Variants in TASP1 observed in about 807,000 individuals in gnomAD.
The protein encoded by TASP1 is threonine aspartase 1.
In TASP1, 16 loss-of-function variants were observed where a neutral mutation model predicts 56.6. The observed-to-expected ratio is 0.28, with a 90% CI of 0.19 to 0.43. The LOEUF (loss-of-function observed/expected upper bound fraction) is 0.43, where lower values mean the gene tolerates loss of function less well. TASP1 is among the 20% of genes least tolerant of loss of function. The pLI is 1.00. For synonymous variants in TASP1, 179 were observed against 184.2 expected (o/e 0.97, Z 0.23); for missense variants, 393 against 511.6 (o/e 0.77, Z 2.24).
At chr20:13,172,540 G>A in the TASP1 span, among the ~76,000 whole-genome samples, 1 of 152,000 alleles carries the variant, frequency 6.6e-6, no homozygotes, top group African/African-American at 2.4e-5. Context: ...CTGGCTGCTT[G>A]TATTTGTCTT....
chr20:13,522,641 T>C (rs2044809360), intron 10 of TASP1, among the ~76,000 whole-genome samples: 1 of 152,108 alleles, frequency 6.6e-6, no homozygotes, highest in Non-Finnish European at 1.5e-5. Flanking sequence ...CAAGTGGAGA[T>C]TTTAACAAGC....
At chr20:13,294,867 C>T in the TASP1 span, among the ~76,000 whole-genome samples, 1 of 152,156 alleles carries the variant, frequency 6.6e-6, no homozygotes, top group African/African-American at 2.4e-5. Context: ...AAAACTGAAG[C>T]ACAGCAAGGT....
intron 6 of TASP1, among the ~76,000 whole-genome samples, chr20:13,574,139 A>G (rs2046816780): frequency 6.6e-6 from 1 of 152,092 alleles, no homozygotes; most frequent in Non-Finnish European, 1.5e-5. Context: ...AAAAGAAACA[A>G]AGTCCCCAAG....
intron 10 of TASP1, among the ~76,000 whole-genome samples, chr20:13,512,018 G>C: frequency 6.6e-6 from 1 of 151,990 alleles, no homozygotes; most frequent in African/African-American, 2.4e-5. Flanking sequence ...ATGGACACTT[G>C]GGTTGGTTCC....
chr20:13,385,649 C>A (rs2041158232), downstream of TASP1, among the ~76,000 whole-genome samples: 1 of 152,150 alleles, frequency 6.6e-6, no homozygotes, highest in South Asian at 2.1e-4. Flanking sequence ...CCAAGTAGTT[C>A]ATCTGGGAGA....
intron 12 of TASP1, among the ~76,000 whole-genome samples, chr20:13,428,317 T>C (rs980187534): frequency 6.6e-6 from 1 of 152,198 alleles, no homozygotes; most frequent in Non-Finnish European, 1.5e-5. Flanking sequence ...GCATATATTC[T>C]AATTACCTGT....
intron 4 of TASP1, 99 bp from the exon 5 acceptor site, chr20:13,587,469 T>C (rs778073544): frequency 1.3e-5 from 13 of 1,009,676 alleles, no homozygotes; most frequent in Non-Finnish European, 1.6e-5. Flanking sequence ...GGTGAGAGAA[T>C]ACTTTCCAAC....
At chr20:13,552,473 C>T (rs910883302) in intron 8 of TASP1, among the ~76,000 whole-genome samples, 3 of 152,116 alleles carry the variant, frequency 2.0e-5, no homozygotes, top group Non-Finnish European at 2.9e-5. Flanking sequence ...TAAGTGACCA[C>T]GGGCATGTCT....
chr20:13,572,807 T>C (rs1436298571), intron 6 of TASP1, among the ~76,000 whole-genome samples: 1 of 152,056 alleles, frequency 6.6e-6, no homozygotes, highest in Non-Finnish European at 1.5e-5. Context: ...GATGTACTCA[T>C]GTGAATTACA....
At chr20:13,235,249 C>A in the TASP1 span, among the ~76,000 whole-genome samples, 1 of 152,144 alleles carries the variant, frequency 6.6e-6, no homozygotes, top group Non-Finnish European at 1.5e-5. Flanking sequence ...GGTTACCTGC[C>A]ACACATTTCT....
chr20:13,568,089 T>C (rs1045581597), intron 7 of TASP1, among the ~76,000 whole-genome samples: 5 of 152,180 alleles, frequency 3.3e-5, no homozygotes, highest in Non-Finnish European at 7.4e-5. Flanking sequence ...ACACACACAT[T>C]TCTCTTCCCT....
the TASP1 span, among the ~76,000 whole-genome samples, chr20:13,248,634 G>GTTTGTTTTCCCCTTTCAGTTCTTT: frequency 1.3e-5 from 2 of 152,186 alleles, no homozygotes; most frequent in Non-Finnish European, 2.9e-5. Context: ...AATGTGCTCA[G>GTTTGTTTTCCCCTTTCAGTTCTTT]TTTGTTTTCC....
chr20:13,526,631 TCTC>T (rs1447957532), intron 10 of TASP1, among the ~76,000 whole-genome samples: 1 of 152,138 alleles, frequency 6.6e-6, no homozygotes, highest in Non-Finnish European at 1.5e-5. Context: ...ATTTTAGACT[TCTC>T]CTGATAGGCC....
intron 10 of TASP1, among the ~76,000 whole-genome samples, chr20:13,524,154 T>C (rs1408727695): frequency 6.6e-6 from 1 of 151,998 alleles, no homozygotes; most frequent in Admixed American, 6.6e-5. Flanking sequence ...CTTTGTCTTT[T>C]TTTTTTTTAA....
At chr20:13,528,240 A>AG (rs2045068691) in intron 10 of TASP1, among the ~76,000 whole-genome samples, 193 bp downstream of exon 10, 1 of 150,626 alleles carries the variant, frequency 6.6e-6, no homozygotes, top group African/African-American at 2.5e-5. Flanking sequence ...AAAAAAAAAA[A>AG]AAAAGAAAAT....
the TASP1 span, among the ~76,000 whole-genome samples, chr20:13,224,691 C>A: frequency 6.6e-6 from 1 of 151,922 alleles, no homozygotes; most frequent in Non-Finnish European, 1.5e-5. Flanking sequence ...TTTGTATTCA[C>A]TTAAAAAGGG....
chr20:13,224,911 T>C, the TASP1 span, among the ~76,000 whole-genome samples: 8 of 148,772 alleles, frequency 5.4e-5, no homozygotes, highest in Non-Finnish European at 1.0e-4. Context: ...AGTGGCGCGA[T>C]CTCTGCTCAC....
At chr20:13,168,387 T>G in the TASP1 span, 1 of 152,270 alleles carries the variant, frequency 6.6e-6, no homozygotes, top group Non-Finnish European at 1.5e-5. Flanking sequence ...TTTTCCCTGT[T>G]GGTCAGGCTG....
the TASP1 span, among the ~76,000 whole-genome samples, chr20:13,257,794 G>GTGGGCCAGTGTTCT: frequency 6.6e-6 from 1 of 151,976 alleles, no homozygotes; most frequent in African/African-American, 2.4e-5. Context: ...ACAGTGTACT[G>GTGGGCCAGTGTTCT]TGGGCCAGTG....
Sources: gnomAD v4.1 joint callset for allele counts (sites outside exome capture counted in the v4.1 genomes callset) on GRCh38, gnomAD v4.1.1 for gene constraint, MANE v1.5 for transcripts, NCBI Gene and HGNC (gene_info 2026-07-23, HGNC 2026-07-21) for gene names.